NXPH1: variants seen among roughly 807,000 people sequenced by gnomAD.
NXPH1 encodes the protein neurexophilin-1.
A neutral mutation model predicts 23.7 loss-of-function variants in NXPH1; 5 were observed. The ratio of observed to expected loss-of-function variants is 0.21; its 90% CI spans 0.11 to 0.44. The LOEUF (loss-of-function observed/expected upper bound fraction) is 0.44. Ranked by LOEUF, NXPH1 falls within the 20% of genes least tolerant of loss-of-function variation. The pLI, the probability that NXPH1 is intolerant of heterozygous loss-of-function variation, is 0.99. For synonymous variants in NXPH1, 144 were observed against 122.2 expected (o/e 1.18, Z -1.18); for missense variants, 324 against 321.6 (o/e 1.01, Z -0.06).
At chr7:8,682,456 A>G (rs1242855343) in intron 2 of NXPH1, among the ~76,000 whole-genome samples, 2 of 152,208 alleles carry the variant, frequency 1.3e-5, no homozygotes, top group South Asian at 2.1e-4. Flanking sequence ...TTATATTTTA[A>G]TATTTAATAA....
In NXPH1 at chr7:8,475,627, AG is replaced by A. The variant is rs1816957020; in HGVS notation, c.54+39861del. Among the ~76,000 whole-genome samples the A allele has an allele frequency of 3.9e-5, 6 of 152,260 alleles. No individual in the cohort carries two copies. In the South Asian group the frequency reaches 1.2e-3, roughly 32 times the overall value. ...GGAATCGGGACTGATTGCTGGGGAA[AG>A]TTTAGTGTTCAAAGGTTTTCTTCTT... On this transcript the variant is annotated intron_variant, in intron 2 of 2. Transcript: ENST00000405863.
chr7:8,639,151 A>C (rs1820267630), intron 2 of NXPH1, among the ~76,000 whole-genome samples: 1 of 152,224 alleles, frequency 6.6e-6, no homozygotes, highest in African/African-American at 2.4e-5. Flanking sequence ...CATATAAACT[A>C]ATAAGGAAAT....
chr7:8,541,069 A>T (rs113035927), intron 2 of NXPH1, among the ~76,000 whole-genome samples: 1 of 151,762 alleles, frequency 6.6e-6, no homozygotes, highest in Non-Finnish European at 1.5e-5. Flanking sequence ...AAGCAGGAAA[A>T]CACAACCACT....
At chr7:8,542,798 CCAATATAGGAATACCATTTTAGGTA>C (rs1406217682) in intron 2 of NXPH1, among the ~76,000 whole-genome samples, 37 of 151,558 alleles carry the variant, frequency 2.4e-4, no homozygotes, top group African/African-American at 8.9e-4. Flanking sequence ...GCAAAAATTA[CCAATATAGGAATACCATTTTAGGTA>C]CAAGTTTACA....
chr7:8,557,406 T>C (rs1283900439), intron 2 of NXPH1, among the ~76,000 whole-genome samples: 1 of 151,684 alleles, frequency 6.6e-6, no homozygotes, highest in African/African-American at 2.4e-5. Context: ...GAGGCTTCCA[T>C]GGTATACTGG....
intron 2 of NXPH1, among the ~76,000 whole-genome samples, chr7:8,604,843 T>G (rs1819447099): frequency 6.6e-6 from 1 of 152,160 alleles, no homozygotes; most frequent in Non-Finnish European, 1.5e-5. Flanking sequence ...TCTGATTAAT[T>G]AGAAGTCTGT....
intron 2 of NXPH1, among the ~76,000 whole-genome samples, chr7:8,729,961 ATG>A (rs1170880305): frequency 2.8e-5 from 4 of 142,880 alleles, no homozygotes; most frequent in Non-Finnish European, 4.6e-5. Flanking sequence ...CCCATTATTA[ATG>A]TGTGGGAGTC....
At chr7:8,725,634 G>T (rs765703358) in intron 2 of NXPH1, among the ~76,000 whole-genome samples, 53 of 152,124 alleles carry the variant, frequency 3.5e-4, no homozygotes, top group Non-Finnish European at 7.2e-4. Context: ...TCAAACTCCA[G>T]CATCATCCAC....
intron 2 of NXPH1, among the ~76,000 whole-genome samples, chr7:8,437,983 C>T (rs1037111336): frequency 6.6e-6 from 1 of 152,190 alleles, no homozygotes; most frequent in Non-Finnish European, 1.5e-5. Flanking sequence ...CTAGAAACCA[C>T]ATGCACCACA....
chr7:8,471,199 T>C (rs1299153653), intron 2 of NXPH1, among the ~76,000 whole-genome samples: 2 of 152,166 alleles, frequency 1.3e-5, no homozygotes, highest in African/African-American at 2.4e-5. Context: ...AAGAAAACAA[T>C]GGGATGTGGT....
rs112557586 is a variant in NXPH1 at position 8,546,826 on chromosome 7, C to T, written c.54+111059C>T. Among the ~76,000 whole-genome samples, 133 of 151,400 alleles carry T rather than the reference C, an allele frequency of 8.8e-4. 2 individuals carry two copies. The highest frequency in any genetic ancestry group is 3.0e-3 in the African/African-American group (126 of 41,408). ...GATGCTCATGGTGGTATTTTTGTTT[C>T]AACAACAATAGTAATAACAGCAACA... On this transcript the variant is annotated intron_variant, in intron 2 of 2. Transcript: ENST00000405863.
intron 2 of NXPH1, among the ~76,000 whole-genome samples, chr7:8,593,243 C>T (rs536700390): frequency 7.3e-5 from 11 of 149,872 alleles, no homozygotes; most frequent in Admixed American, 2.0e-4. Context: ...CATTCGGTAA[C>T]GGGTTATCTG....
chr7:8,664,237 C>G (rs1238824125), intron 2 of NXPH1, among the ~76,000 whole-genome samples: 1 of 152,078 alleles, frequency 6.6e-6, no homozygotes, highest in Admixed American at 6.6e-5. Flanking sequence ...CTTTGCCTAG[C>G]TTTTTCCCCT....
chr7:8,686,339 A>G (rs1821145177), intron 2 of NXPH1, among the ~76,000 whole-genome samples: 1 of 152,068 alleles, frequency 6.6e-6, no homozygotes, highest in Non-Finnish European at 1.5e-5. Flanking sequence ...AACCATTATC[A>G]TTTCTCTGTG....
chr7:8,726,870 C>A (rs1244321686), intron 2 of NXPH1, among the ~76,000 whole-genome samples: 1 of 152,016 alleles, frequency 6.6e-6, no homozygotes, highest in Non-Finnish European at 1.5e-5. Flanking sequence ...ATGGCTGGGT[C>A]AAATGGCGTT....
chr7:8,751,351 T>G lies in NXPH1; in HGVS notation c.398T>G (p.Leu133Arg). ...CATTCCAACATCAAAACAGTGAAGC[T>G]GAACCTGTTGATAACTGGGAAAATT... ...DFHSNIKTVK[L>R]NLLITGKIVD... The change falls in exon 3 of 3, where the codon CTG becomes CGG. Residue 133 changes from leucine (L) to arginine (R), a missense_variant. By Grantham distance (102) the Leu-to-Arg change is moderately radical (BLOSUM62 -2). Coordinates refer to ENST00000405863, the MANE Select transcript of NXPH1 (RefSeq NM_152745.3). This position sits in a 1 kb window ranked among gnomAD's most constrained non-coding sequence, Gnocchi z 4.5. 2 of 1,613,928 alleles carry G rather than the reference T, an allele frequency of 1.2e-6. No individual in the cohort carries two copies. The highest frequency in any genetic ancestry group is 1.7e-6 in the Non-Finnish European group (2 of 1,179,864).
At chr7:8,728,740 C>T (rs1780099649) in intron 2 of NXPH1, among the ~76,000 whole-genome samples, 2 of 152,166 alleles carry the variant, frequency 1.3e-5, no homozygotes, top group Non-Finnish European at 2.9e-5. Flanking sequence ...ATTCTGTTTG[C>T]CAGTATTTTA....
At chr7:8,750,461 C>T (rs1046200335) in intron 2 of NXPH1, among the ~76,000 whole-genome samples, 2 of 152,152 alleles carry the variant, frequency 1.3e-5, no homozygotes, top group African/African-American at 2.4e-5. Flanking sequence ...CTCCACCCCT[C>T]AACAGGCTCT....
At chr7:8,735,160 C>G (rs1780226996) in intron 2 of NXPH1, among the ~76,000 whole-genome samples, 1 of 152,136 alleles carries the variant, frequency 6.6e-6, no homozygotes, top group Non-Finnish European at 1.5e-5. Context: ...TTGCCCTGGC[C>G]AGAACTTCCA....
Sources: allele counts gnomAD v4.1 joint callset (sites outside exome capture counted in the v4.1 genomes callset), GRCh38; gene constraint gnomAD v4.1.1; non-coding constraint Gnocchi (gnomAD v3.1); transcripts MANE v1.5; gene names NCBI Gene and HGNC (gene_info 2026-07-23, HGNC 2026-07-21).